CDH13: variants seen among roughly 807,000 people sequenced by gnomAD.
The protein encoded by CDH13 is cadherin 13.
In CDH13, 24 loss-of-function variants were observed where a neutral mutation model predicts 63.8. The ratio of observed to expected loss-of-function variants is 0.38; its 90% CI spans 0.27 to 0.53. The LOEUF (loss-of-function observed/expected upper bound fraction) is 0.53, where lower values mean the gene tolerates loss of function less well. Ranked by LOEUF, CDH13 falls within the 20% of genes least tolerant of loss-of-function variation. The pLI, the probability that CDH13 is intolerant of heterozygous loss-of-function variation, is 0.85. For synonymous variants in CDH13, 503 were observed against 355.3 expected, an observed-to-expected ratio of 1.42 and a Z score of -4.67; for missense variants, 1,049 against 903.1, an observed-to-expected ratio of 1.16 and a Z score of -2.07.
chr16:82,896,388 C>G (rs1008483203), intron 2 of CDH13, among the ~76,000 whole-genome samples: 2 of 146,954 alleles, frequency 1.4e-5, no homozygotes, highest in Non-Finnish European at 3.0e-5. Flanking sequence ...GCCTCCTGGA[C>G]TCAAGTAATC....
At chr16:82,639,353 T>G (rs1213204025) in intron 1 of CDH13, 1 of 1,533,022 alleles carries the variant, frequency 6.5e-7, no homozygotes, top group East Asian at 2.4e-5. Flanking sequence ...TCCTTGCTTT[T>G]GACCAGGGCC....
chr16:82,867,240 C>T (rs2040181872), intron 2 of CDH13, among the ~76,000 whole-genome samples: 1 of 152,088 alleles, frequency 6.6e-6, no homozygotes, highest in Non-Finnish European at 1.5e-5. Flanking sequence ...GATTTTAGGG[C>T]CCTGGTTTTC....
At chr16:83,298,058 AAAAAAG>A (rs1442973506) in intron 5 of CDH13, among the ~76,000 whole-genome samples, 90 of 151,384 alleles carry the variant, frequency 5.9e-4, no homozygotes, top group Non-Finnish European at 1.1e-3. Flanking sequence ...AAAAAAAAAA[AAAAAAG>A]AAAAAGAAAA....
chr16:82,939,648 T>TA (rs35876856), intron 2 of CDH13, among the ~76,000 whole-genome samples: 19,698 of 152,106 alleles, frequency 0.13, 1,387 homozygotes, highest in African/African-American at 0.17. Flanking sequence ...TCTCTTCTAT[T>TA]AGTGTGGTTG....
chr16:83,158,128 G>T (rs894500482), intron 4 of CDH13, among the ~76,000 whole-genome samples: 9 of 152,028 alleles, frequency 5.9e-5, no homozygotes, highest in African/African-American at 2.2e-4. Context: ...CAGGGGATAA[G>T]ATCAGGAAGA....
intron 10 of CDH13, among the ~76,000 whole-genome samples, chr16:83,709,266 G>A (rs1363343359): frequency 6.6e-6 from 1 of 152,146 alleles, no homozygotes; most frequent in Non-Finnish European, 1.5e-5. Flanking sequence ...CTGACTTGTG[G>A]GACTATAAGA....
At chr16:83,746,480 C>T (rs943185054) in intron 10 of CDH13, among the ~76,000 whole-genome samples, 7 of 152,204 alleles carry the variant, frequency 4.6e-5, no homozygotes, top group African/African-American at 1.7e-4. Context: ...AGTCTTTGCT[C>T]TATGAAGTAA....
At chr16:83,421,809 T>G (rs16960464) in intron 6 of CDH13, among the ~76,000 whole-genome samples, 6,452 of 152,288 alleles carry the variant, frequency 0.042, 136 homozygotes, top group South Asian at 0.086. Context: ...GACATCAGTG[T>G]TCTTTCAGAC....
intron 6 of CDH13, among the ~76,000 whole-genome samples, chr16:83,415,424 G>A (rs747034790): frequency 2.6e-5 from 4 of 152,116 alleles, no homozygotes; most frequent in Non-Finnish European, 5.9e-5. Context: ...TATAAAGCTA[G>A]TATTACCCTG....
chr16:83,560,997 G>C (rs998046484), intron 7 of CDH13, among the ~76,000 whole-genome samples: 4 of 152,042 alleles, frequency 2.6e-5, no homozygotes, highest in Non-Finnish European at 4.4e-5. Flanking sequence ...ATGATCACCT[G>C]TAAGTTCATG....
At chr16:83,348,808 A>G (rs2090892433) in intron 6 of CDH13, among the ~76,000 whole-genome samples, 1 of 152,212 alleles carries the variant, frequency 6.6e-6, no homozygotes, top group Non-Finnish European at 1.5e-5. Flanking sequence ...CAGTGAGACA[A>G]CATGCTTCAC....
chr16:82,934,468 A>G (rs536159728), intron 2 of CDH13, among the ~76,000 whole-genome samples: 1 of 152,164 alleles, frequency 6.6e-6, no homozygotes, highest in Admixed American at 6.5e-5. Context: ...AGGGGCTACC[A>G]TGAAGATCTG....
chr16:83,342,658 G>T (rs1429667172), intron 5 of CDH13, among the ~76,000 whole-genome samples: 1 of 151,954 alleles, frequency 6.6e-6, no homozygotes, highest in African/African-American at 2.4e-5. Flanking sequence ...TCTTTCCATT[G>T]TGTTAAGATG....
chr16:82,861,117 A>G (rs2039926441), intron 2 of CDH13, among the ~76,000 whole-genome samples: 1 of 152,244 alleles, frequency 6.6e-6, no homozygotes, highest in Non-Finnish European at 1.5e-5. Flanking sequence ...TTAAATGCAT[A>G]GATTCCATTT....
chr16:83,003,249 G>A (rs1386550410), intron 2 of CDH13, among the ~76,000 whole-genome samples: 1 of 152,206 alleles, frequency 6.6e-6, no homozygotes, highest in Non-Finnish European at 1.5e-5. Context: ...TTGCTCTTGG[G>A]CGGTGAGAGG....
chr16:82,950,802 C>T (rs1424833478), intron 2 of CDH13, among the ~76,000 whole-genome samples: 1 of 146,858 alleles, frequency 6.8e-6, no homozygotes, highest in Non-Finnish European at 1.5e-5. Context: ...TTAGAACTCC[C>T]ACATCTTTTT....
intron 13 of CDH13, among the ~76,000 whole-genome samples, chr16:83,789,641 G>A (rs1170954872): frequency 2.0e-5 from 3 of 151,938 alleles, no homozygotes; most frequent in Admixed American, 6.6e-5. Flanking sequence ...GAGCCACCAC[G>A]CCAGGCCTGA....
chr16:82,969,106 C>G (rs1437615022), intron 2 of CDH13, among the ~76,000 whole-genome samples: 1 of 152,016 alleles, frequency 6.6e-6, no homozygotes, highest in Non-Finnish European at 1.5e-5. Context: ...GACTCTCTCT[C>G]AAACGAAAAA....
intron 1 of CDH13, among the ~76,000 whole-genome samples, chr16:82,735,369 G>A (rs2033621338): frequency 6.6e-6 from 1 of 152,332 alleles, no homozygotes; most frequent in East Asian, 1.9e-4. Context: ...CTTGTCACAT[G>A]GCTGGGTCTG....
Sources: allele counts gnomAD v4.1 joint callset (sites outside exome capture counted in the v4.1 genomes callset), GRCh38; gene constraint gnomAD v4.1.1; transcripts MANE v1.5; gene names NCBI Gene and HGNC (gene_info 2026-07-23, HGNC 2026-07-21).